Variants in EXTL3 observed in about 807,000 individuals in gnomAD.
EXTL3 encodes the protein exostosin like glycosyltransferase 3.
A neutral mutation model predicts 69.3 loss-of-function variants in EXTL3; 27 were observed. The ratio of observed to expected loss-of-function variants is 0.39; its 90% CI spans 0.29 to 0.54. The LOEUF (loss-of-function observed/expected upper bound fraction) is 0.54, where lower values mean the gene tolerates loss of function less well. Ranked by LOEUF, EXTL3 falls within the 20% of genes least tolerant of loss-of-function variation. EXTL3 has a pLI of 0.69. For missense variants in EXTL3, 1,003 were observed against 1,231.8 expected (o/e 0.81, Z 2.78); for synonymous variants, 511 against 499.4 (o/e 1.02, Z -0.31).
At position 28,704,359 on chromosome 8, in the gene EXTL3, C is replaced by T. The variant is rs529382613; in HGVS notation, c.-570+2700C>T. 9.8e-5 allele frequency among the ~76,000 whole-genome samples: 15 copies of T among 152,288 alleles called. No homozygotes were observed. In the East Asian group the frequency reaches 2.1e-3, roughly 22 times the overall value. The stretch of plus-strand genomic sequence containing the variant: ...TGCCTACTATACGCAGCCATACAAA[C>T]GGAATCCATAACTGAATGAGCAAAG... On this transcript the variant is annotated intron_variant, in intron 1 of 6. Coordinates refer to ENST00000220562, the MANE Select transcript of EXTL3 (RefSeq NM_001440.4).
At chr8:28,614,501 TG>T (rs1806308554) in intron 2 of EXTL3, among the ~76,000 whole-genome samples, 1 of 152,060 alleles carries the variant, frequency 6.6e-6, no homozygotes, top group African/African-American at 2.4e-5. Context: ...CTCGAACTCT[TG>T]GGCTCAAGCG....
Position 28,625,997 on chromosome 8 carries a change from CAAAAAAAAAAA to C in EXTL3, c.-53+3205_-53+3215del, listed in dbSNP as rs67403576. Among the ~76,000 whole-genome samples the C allele has an allele frequency of 1.2e-3, 48 of 41,126 alleles. 2 individuals are homozygous for C. Among genetic ancestry groups the C allele is most frequent in the Middle Eastern group, 0.04 (2 of 50 alleles). The allele number at this position is 41,126 out of a possible 152,430, so 27.0% of individuals were successfully genotyped here. ...GCAATATAGTGAGACCACATTTCTC[CAAAAAAAAAAA>C]AAAAAAAAAAAAAAAAAGCCAGGTG... On this transcript the variant is annotated intron_variant, in intron 1 of 6. Coordinates refer to the EXTL3 transcript ENST00000523149.
At chr8:28,635,110 G>T (rs1806632016) in intron 1 of EXTL3, among the ~76,000 whole-genome samples, 1 of 152,068 alleles carries the variant, frequency 6.6e-6, no homozygotes, top group Admixed American at 6.6e-5. Flanking sequence ...TCTAGCTCAA[G>T]AACTAGAAAT....
chr8:28,682,937 T>C (rs988958217), intron 1 of EXTL3, among the ~76,000 whole-genome samples: 2 of 152,238 alleles, frequency 1.3e-5, no homozygotes, highest in Admixed American at 6.5e-5. Context: ...CATTTTTGTA[T>C]ATTGTGTGAG....
At chr8:28,661,745 T>G (rs1807119103) in intron 1 of EXTL3, among the ~76,000 whole-genome samples, 1 of 151,524 alleles carries the variant, frequency 6.6e-6, no homozygotes, top group Non-Finnish European at 1.5e-5. Flanking sequence ...ATTAGCTGGT[T>G]GTGGTGGCAG....
chr8:28,718,034 C>A lies in EXTL3; in HGVS notation c.1975C>A (p.Pro659Thr), dbSNP rs1402183338. The A allele has an allele frequency of 6.2e-7, 1 of 1,613,868 alleles. No individual in the cohort carries two copies. The highest frequency in any genetic ancestry group is 1.3e-5 in the African/African-American group (1 of 74,834). ...EFQAALGGNV[P>T]REQFTVVMLT... ...TCAGGCAGCGCTTGGAGGCAATGTT[C>A]CCCGAGAGCAGTTCACGGTGGTGAT... The change falls in exon 3 of 7, where the codon CCC becomes ACC. Residue 659 changes from proline (P) to threonine (T), a missense_variant. Transcript: ENST00000220562.
chr8:28,736,894 C>G (rs535314041), intron 4 of EXTL3, among the ~76,000 whole-genome samples: 3 of 152,312 alleles, frequency 2.0e-5, no homozygotes, highest in East Asian at 1.9e-4. Flanking sequence ...CCTTGAACTC[C>G]TAGAATCAGG....
At chr8:28,672,962 T>C (rs1406375880) in intron 1 of EXTL3, among the ~76,000 whole-genome samples, 1 of 152,096 alleles carries the variant, frequency 6.6e-6, no homozygotes, top group African/African-American at 2.4e-5. Flanking sequence ...AAAGGGGAGT[T>C]TCCCTGCACA....
At chr8:28,610,544 A>G (rs918118680) in intron 2 of EXTL3, among the ~76,000 whole-genome samples, 2 of 152,164 alleles carry the variant, frequency 1.3e-5, no homozygotes, top group African/African-American at 4.8e-5. Flanking sequence ...CTCTGATTCC[A>G]GGAACCAAAA....
At chr8:28,626,337 A>C (rs1806491500) in intron 1 of EXTL3, among the ~76,000 whole-genome samples, 1 of 152,144 alleles carries the variant, frequency 6.6e-6, no homozygotes, top group Admixed American at 6.6e-5. Flanking sequence ...TGGTGGGAGA[A>C]TAACAGGATC....
At chr8:28,669,452 C>T (rs1807251263) in intron 1 of EXTL3, among the ~76,000 whole-genome samples, 1 of 152,196 alleles carries the variant, frequency 6.6e-6, no homozygotes, top group South Asian at 2.1e-4. Context: ...CTGCATAATG[C>T]TATTACTCTA....
At position 28,717,785 on chromosome 8, in the gene EXTL3, G is replaced by C; in HGVS notation, c.1726G>C (p.Gly576Arg). Residue 576 changes from glycine to arginine, a missense_variant, in exon 3 of 7, where the codon GGG becomes CGG. Gly to Arg is a moderately radical substitution (Grantham distance 125). This residue lies in a region of EXTL3 where 742 missense variants were observed against 815.4 expected (regional missense o/e 0.91). Transcript: ENST00000220562. This position sits in a 1 kb window ranked among gnomAD's most constrained non-coding sequence, Gnocchi z 8.3. ...GGCTGACAACGGGGACCTGGACCTG[G>C]GGCCAGTGGAGACGGAGCCGCCCTA... is the stretch of plus-strand genomic sequence containing the variant. ...NMADNGDLDL[G>R]PVETEPPYAS... 1 of 1,613,448 alleles carries C rather than the reference G, an allele frequency of 6.2e-7. No homozygotes were observed. The highest frequency in any genetic ancestry group is 8.5e-7 in the Non-Finnish European group (1 of 1,179,476).
Position 28,750,411 on chromosome 8 carries a change from C to T in EXTL3, c.2551-246C>T, listed in dbSNP as rs1046233413. Among the ~76,000 whole-genome samples the T allele has an allele frequency of 6.6e-6, 1 of 152,196 alleles. No individual in the cohort carries two copies. Among genetic ancestry groups the T allele is most frequent in the African/African-American group, 2.4e-5 (1 of 41,444 alleles). On this transcript the variant is annotated intron_variant, in intron 6 of 6. Transcript: ENST00000220562. This position sits in a 1 kb window ranked among gnomAD's most constrained non-coding sequence, Gnocchi z 5.2. ...TTACTGAGACAGCTGACACTACACA[C>T]GTTAAGGCTTTTGGCATCTGAGAAG...
chr8:28,752,008 C>T lies in EXTL3; in HGVS notation c.*1142C>T. The T allele has an allele frequency of 6.6e-6, 1 of 152,478 alleles. No homozygotes were observed. 9.4% of individuals were successfully genotyped at this position (152,478 alleles called of 1,614,324 possible). A position where few individuals can be genotyped will look rare whatever the true frequency, so the allele number is the denominator to read the frequency against. The stretch of plus-strand genomic sequence containing the variant: ...TTCCTTGGTGAAATTCACCTTCCCC[C>T]CGCCTCTGTCTGGAGCCCCATCCTG... On this transcript the variant is annotated 3_prime_UTR_variant, in exon 7 of 7. Transcript: ENST00000220562.
At chr8:28,641,783 C>T (rs904676225) in intron 1 of EXTL3, among the ~76,000 whole-genome samples, 1 of 151,610 alleles carries the variant, frequency 6.6e-6, no homozygotes, top group Non-Finnish European at 1.5e-5. Flanking sequence ...TGAGCCATGG[C>T]GCCTGGCCAT....
At chr8:28,670,971 T>G (rs973751624) in intron 1 of EXTL3, among the ~76,000 whole-genome samples, 8 of 34,240 alleles carry the variant, frequency 2.3e-4, no homozygotes, top group Non-Finnish European at 3.6e-4. Flanking sequence ...ATAGCTTCTG[T>G]TTTTTTTTTT....
intron 1 of EXTL3, among the ~76,000 whole-genome samples, chr8:28,645,332 G>A (rs148694922): frequency 1.3e-5 from 2 of 152,274 alleles, no homozygotes; most frequent in African/African-American, 2.4e-5. Flanking sequence ...AAACATTTAG[G>A]TCTAACATGT....
intron 1 of EXTL3, chr8:28,710,613 C>CTTTTT (rs11446791): frequency 1.6e-4 from 44 of 272,808 alleles, no homozygotes; most frequent in East Asian, 2.4e-4. Context: ...TTCTTTCTTT[C>CTTTTT]TTTTTTTTTT....
At chr8:28,742,990 C>A in intron 5 of EXTL3, 96 bp from the exon 6 acceptor site, 1 of 1,389,672 alleles carries the variant, frequency 7.2e-7, no homozygotes, top group Non-Finnish European at 1.0e-6. Context: ...GTTACTGCCA[C>A]ACCCAAACAG....
Sources: allele counts gnomAD v4.1 joint callset (sites outside exome capture counted in the v4.1 genomes callset), GRCh38; gene constraint gnomAD v4.1.1; regional missense constraint gnomAD v4.1.1; non-coding constraint Gnocchi (gnomAD v3.1); transcripts MANE v1.5; gene names NCBI Gene and HGNC (gene_info 2026-07-23, HGNC 2026-07-21).